The following PTPRD variants were observed in gnomAD, a reference collection of about 807,000 sequenced individuals.
PTPRD encodes the protein receptor-type tyrosine-protein phosphatase delta.
Under a neutral mutation model 214.5 loss-of-function variants are expected in PTPRD, and 34 were observed. That is an observed-to-expected ratio of 0.16 (90% CI 0.12 to 0.21). The LOEUF (loss-of-function observed/expected upper bound fraction) is 0.21. Among genes scored for constraint, PTPRD ranks in the 10% least tolerant of loss-of-function variants. The pLI is 1.00. For synonymous variants in PTPRD, 1,128 were observed against 845.7 expected (o/e 1.33, Z -5.79); for missense variants, 2,545 against 2,398.7 (o/e 1.06, Z -1.27).
chr9:8,819,197 A>G (rs1251954516), intron 11 of PTPRD, among the ~76,000 whole-genome samples: 1 of 152,208 alleles, frequency 6.6e-6, no homozygotes, highest in Non-Finnish European at 1.5e-5. Context: ...TTCCATTATT[A>G]AGTGGAAACA....
intron 3 of PTPRD, among the ~76,000 whole-genome samples, chr9:10,143,096 G>C (rs2098997929): frequency 6.6e-6 from 1 of 152,046 alleles, no homozygotes; most frequent in Admixed American, 6.6e-5. Flanking sequence ...GACACAGGAA[G>C]GGGAACATCA....
At chr9:9,149,805 C>G (rs368405088) in intron 10 of PTPRD, among the ~76,000 whole-genome samples, 1 of 152,188 alleles carries the variant, frequency 6.6e-6, no homozygotes, top group Non-Finnish European at 1.5e-5. Context: ...TGGATGCTGG[C>G]AGCTGCCTGG....
rs7022285 is a variant in PTPRD, at chr9:8,577,536, T to C, written c.353-48757A>G. ...TCCCAAAGTGCTGGGATTATAGACG[T>C]GAGCCACTGTGCCCAGCCTACCTTT... is the stretch of plus-strand genomic sequence containing the variant. On this transcript the variant is annotated intron_variant, in intron 14 of 45. Coordinates refer to ENST00000381196, the MANE Select transcript of PTPRD (RefSeq NM_002839.4). Among the ~76,000 whole-genome samples the C allele has an allele frequency of 6.1e-3, 929 of 152,270 alleles. 8 individuals are homozygous for C. Among genetic ancestry groups the C allele is most frequent in the African/African-American group, 0.021 (886 of 41,532 alleles).
At chr9:9,940,002 A>T (rs1456986361) in intron 4 of PTPRD, among the ~76,000 whole-genome samples, 1 of 152,196 alleles carries the variant, frequency 6.6e-6, no homozygotes, top group African/African-American at 2.4e-5. Flanking sequence ...ATCTTGTGCC[A>T]GGTGAAAACA....
chr9:10,145,404 G>C (rs1471859559), intron 3 of PTPRD, among the ~76,000 whole-genome samples: 1 of 152,096 alleles, frequency 6.6e-6, no homozygotes, highest in African/African-American at 2.4e-5. Flanking sequence ...ACAATGTGAA[G>C]ACAAAGAGAA....
At chr9:8,386,080 G>A (rs999281964) in intron 37 of PTPRD, among the ~76,000 whole-genome samples, 13 of 152,202 alleles carry the variant, frequency 8.5e-5, no homozygotes, top group African/African-American at 3.1e-4. Flanking sequence ...GAGACTCACT[G>A]AGCCACCTTG....
intron 12 of PTPRD, among the ~76,000 whole-genome samples, chr9:8,729,721 A>G (rs10977266): frequency 0.083 from 12,594 of 152,230 alleles, 1,600 homozygotes; most frequent in African/African-American, 0.27. Flanking sequence ...CTGAGGCTAA[A>G]AGCATGATTT....
intron 8 of PTPRD, among the ~76,000 whole-genome samples, chr9:9,572,156 A>G (rs976524742): frequency 6.6e-6 from 1 of 151,438 alleles, no homozygotes; most frequent in Non-Finnish European, 1.5e-5. Flanking sequence ...AGTTGAATAT[A>G]AAGTGCAAAT....
At chr9:9,038,405 C>T (rs2099628676) in intron 10 of PTPRD, among the ~76,000 whole-genome samples, 1 of 152,038 alleles carries the variant, frequency 6.6e-6, no homozygotes, top group African/African-American at 2.4e-5. Context: ...TCTAAACACC[C>T]CCACATAGAA....
At position 8,320,450 on chromosome 9, in the gene PTPRD, G is replaced by C. The variant is rs563147271; in HGVS notation, c.5535-484C>G. On this transcript the variant is annotated intron_variant, in intron 44 of 45. Transcript: ENST00000381196. ...CGATGCCCATAACCTAAATGTATTT[G>C]CCTATAACTAGTCAAATGTTTACAC... Among the ~76,000 whole-genome samples the C allele has an allele frequency of 9.2e-5, 14 of 152,098 alleles. No homozygotes were observed. In the South Asian group the frequency reaches 2.9e-3, roughly 32 times the overall value.
intron 11 of PTPRD, among the ~76,000 whole-genome samples, chr9:8,802,771 G>A: frequency 6.6e-6 from 1 of 152,188 alleles, no homozygotes; most frequent in Middle Eastern, 3.2e-3. Context: ...ATGGAGATGG[G>A]CTAGGAGTGG....
At chr9:8,782,199 A>C (rs1201759023) in intron 11 of PTPRD, among the ~76,000 whole-genome samples, 2 of 151,554 alleles carry the variant, frequency 1.3e-5, no homozygotes, top group African/African-American at 4.9e-5. Context: ...TACATATACA[A>C]AATATACATG....
chr9:10,587,930 T>G (rs2074349434), intron 2 of PTPRD, among the ~76,000 whole-genome samples: 1 of 152,066 alleles, frequency 6.6e-6, no homozygotes, highest in Non-Finnish European at 1.5e-5. Flanking sequence ...CAGATCTTTC[T>G]GACAATAAGT....
chr9:9,397,375 G>C (rs760949005), intron 9 of PTPRD, 74 bp downstream of exon 9: 1 of 152,288 alleles, frequency 6.6e-6, no homozygotes, highest in Non-Finnish European at 1.5e-5. Flanking sequence ...AGGTTTTATA[G>C]GTAAAATAAA....
chr9:10,344,952 T>A (rs2097040096), intron 2 of PTPRD, among the ~76,000 whole-genome samples: 1 of 152,208 alleles, frequency 6.6e-6, no homozygotes, highest in South Asian at 2.1e-4. Context: ...GATGCTATTA[T>A]AAATCTAAAA....
At chr9:9,545,629 TG>T (rs1386458022) in intron 8 of PTPRD, among the ~76,000 whole-genome samples, 1 of 151,854 alleles carries the variant, frequency 6.6e-6, no homozygotes. Flanking sequence ...TAACTACTCT[TG>T]GTCTATTCCT....
intron 10 of PTPRD, among the ~76,000 whole-genome samples, chr9:9,063,464 T>A (rs1330844659): frequency 6.6e-6 from 1 of 152,156 alleles, no homozygotes; most frequent in South Asian, 2.1e-4. Flanking sequence ...CCTTATCCTA[T>A]CAAAGCTTGT....
At chr9:8,454,658 A>G in intron 33 of PTPRD, 1 of 1,559,136 alleles carries the variant, frequency 6.4e-7, no homozygotes, top group Admixed American at 1.7e-5. Flanking sequence ...CAATGGTAAC[A>G]AGGATAACCA....
rs77496469 is a variant in PTPRD at position 8,567,227 on chromosome 9, G to A, written c.353-38448C>T. On this transcript the variant is annotated intron_variant, in intron 14 of 45. Transcript: ENST00000381196. ...ATTTGGCGGTACCTGCCTTTTCCAG[G>A]CTTCAAGGCTGCTCTTATTTTTCAT... Among the ~76,000 whole-genome samples, 853 of 152,270 alleles carry A rather than the reference G, an allele frequency of 5.6e-3. 4 individuals carry two copies. Among genetic ancestry groups the A allele is most frequent in the African/African-American group, 0.019 (809 of 41,544 alleles).
Sources: allele counts gnomAD v4.1 joint callset (sites outside exome capture counted in the v4.1 genomes callset), GRCh38; gene constraint gnomAD v4.1.1; transcripts MANE v1.5; gene names NCBI Gene and HGNC (gene_info 2026-07-23, HGNC 2026-07-21).